Variants in CCDC178 observed in about 807,000 individuals in gnomAD.
CCDC178 encodes coiled-coil domain-containing protein 178.
CCDC178 carries 126 observed loss-of-function variants against 117.4 expected under a neutral mutation model. That is an observed-to-expected ratio of 1.07 (90% CI 0.93 to 1.24). The LOEUF is 1.24. Among genes scored for constraint, CCDC178 ranks in the 50% most tolerant of loss-of-function variants. The probability of loss-of-function intolerance (pLI) is 0.00; values close to 1 mark genes in which losing one functional copy is unlikely to be tolerated. For missense variants in CCDC178, 1,030 were observed against 986.9 expected, an observed-to-expected ratio of 1.04 and a Z score of -0.59; for synonymous variants, 283 against 313.4, an observed-to-expected ratio of 0.90 and a Z score of 1.02.
At chr18:32,959,270 A>G (rs945780075) in intron 22 of CCDC178, among the ~76,000 whole-genome samples, 1 of 152,150 alleles carries the variant, frequency 6.6e-6, no homozygotes, top group African/African-American at 2.4e-5. Context: ...TATTGATAAT[A>G]TGTGCAGTTT....
chr18:32,938,773 G>A (rs1053140414), intron 22 of CCDC178, among the ~76,000 whole-genome samples: 1 of 152,116 alleles, frequency 6.6e-6, no homozygotes, highest in Non-Finnish European at 1.5e-5. Context: ...CACATAAAAA[G>A]TTAGTTCTTG....
At chr18:32,979,990 C>A (rs1208377712) in intron 21 of CCDC178, among the ~76,000 whole-genome samples, 1 of 151,612 alleles carries the variant, frequency 6.6e-6, no homozygotes, top group Non-Finnish European at 1.5e-5. Context: ...TAGCTCCATG[C>A]AAAATAAAAT....
At chr18:33,219,765 G>C (rs1022604506) in intron 18 of CCDC178, among the ~76,000 whole-genome samples, 11 of 151,922 alleles carry the variant, frequency 7.2e-5, no homozygotes, top group Non-Finnish European at 1.6e-4. Context: ...TCACACACCG[G>C]AGCCTGTCAT....
chr18:33,439,289 G>A (rs1406263276), intron 2 of CCDC178, among the ~76,000 whole-genome samples: 2 of 152,224 alleles, frequency 1.3e-5, no homozygotes, highest in Non-Finnish European at 2.9e-5. Flanking sequence ...TTCTGAGGAT[G>A]TGGTAACAAA....
intron 12 of CCDC178, among the ~76,000 whole-genome samples, chr18:33,271,701 T>C (rs1375670249): frequency 1.3e-5 from 2 of 151,496 alleles, no homozygotes; most frequent in Non-Finnish European, 1.5e-5. Flanking sequence ...ACTGAAGTCA[T>C]GCAAAGTGCC....
intron 12 of CCDC178, among the ~76,000 whole-genome samples, chr18:33,275,367 TAGAA>T (rs1327430011): frequency 3.3e-5 from 5 of 151,908 alleles, no homozygotes; most frequent in African/African-American, 1.2e-4. Context: ...ATCTATCCCA[TAGAA>T]AGAACCAATT....
intron 9 of CCDC178, among the ~76,000 whole-genome samples, chr18:33,338,234 T>TA (rs1042416810): frequency 6.6e-6 from 1 of 151,914 alleles, no homozygotes; most frequent in Non-Finnish European, 1.5e-5. Flanking sequence ...ATGTCCATAA[T>TA]AAAAAAATGA....
At chr18:33,414,927 G>T (rs1033101475) in intron 2 of CCDC178, among the ~76,000 whole-genome samples, 116 of 152,170 alleles carry the variant, frequency 7.6e-4, no homozygotes, top group Non-Finnish European at 8.4e-4. Flanking sequence ...AGACATTTAT[G>T]CAGCCAACAG....
At chr18:33,410,500 G>T (rs1306179172) in intron 3 of CCDC178, among the ~76,000 whole-genome samples, 1 of 151,864 alleles carries the variant, frequency 6.6e-6, no homozygotes, top group Non-Finnish European at 1.5e-5. Context: ...ACAAACCAAG[G>T]TTTTTCAAAT....
At chr18:33,126,119 A>G (rs1216272045) in intron 20 of CCDC178, among the ~76,000 whole-genome samples, 1 of 152,114 alleles carries the variant, frequency 6.6e-6, no homozygotes, top group Non-Finnish European at 1.5e-5. Context: ...GAATGCAGTG[A>G]CCAATTAGGA....
intron 2 of CCDC178, among the ~76,000 whole-genome samples, chr18:33,439,266 A>G (rs1286148087): frequency 6.6e-6 from 1 of 152,204 alleles, no homozygotes; most frequent in Non-Finnish European, 1.5e-5. Flanking sequence ...GGAATATAGA[A>G]CAGGAAGAAA....
chr18:33,405,998 G>A (rs916358191), intron 3 of CCDC178, among the ~76,000 whole-genome samples: 2 of 151,954 alleles, frequency 1.3e-5, no homozygotes, highest in African/African-American at 2.4e-5. Flanking sequence ...ATAGGAAGAC[G>A]GAATGCAAAG....
chr18:33,321,875 A>G (rs1242702080), intron 11 of CCDC178, among the ~76,000 whole-genome samples: 1 of 151,930 alleles, frequency 6.6e-6, no homozygotes, highest in African/African-American at 2.4e-5. Context: ...CTGAAAAAAA[A>G]ATGTGTCTAC....
intron 22 of CCDC178, among the ~76,000 whole-genome samples, chr18:32,970,874 T>C (rs1211105130): frequency 6.6e-6 from 1 of 152,010 alleles, no homozygotes; most frequent in Non-Finnish European, 1.5e-5. Flanking sequence ...TTCGTGGGTA[T>C]ATACAGGGTA....
intron 21 of CCDC178, among the ~76,000 whole-genome samples, chr18:33,016,949 A>C (rs1227473025): frequency 6.6e-6 from 1 of 151,996 alleles, no homozygotes; most frequent in African/African-American, 2.4e-5. Flanking sequence ...ACAGGAATAG[A>C]AGGGAACTTC....
At chr18:33,223,562 A>G (rs888682851) in intron 17 of CCDC178, among the ~76,000 whole-genome samples, 1 of 152,130 alleles carries the variant, frequency 6.6e-6, no homozygotes, top group Non-Finnish European at 1.5e-5. Flanking sequence ...AAGTATGTAA[A>G]AACTTATTCT....
At chr18:32,938,824 TC>T (rs1342423955) in intron 22 of CCDC178, among the ~76,000 whole-genome samples, 1 of 152,180 alleles carries the variant, frequency 6.6e-6, no homozygotes, top group Non-Finnish European at 1.5e-5. Flanking sequence ...AAAGTATTTT[TC>T]TCAAACTATT....
At chr18:33,260,088 C>T (rs1397756794) in intron 14 of CCDC178, among the ~76,000 whole-genome samples, 1 of 151,932 alleles carries the variant, frequency 6.6e-6, no homozygotes, top group Non-Finnish European at 1.5e-5. Flanking sequence ...CCAGCAGAAT[C>T]CCAGGAGTGT....
In CCDC178 at chr18:33,322,034, T is replaced by C. The variant is rs1255885698; in HGVS notation, c.1022+1457A>G. The stretch of plus-strand genomic sequence containing the variant: ...TGTTCCAAGAGTCAAAAAAGGTCAA[T>C]TCCTAATGATAAGGAGGTTAATTGG... On this transcript the variant is annotated intron_variant, in intron 11 of 22. Coordinates refer to ENST00000383096, the MANE Select transcript of CCDC178 (RefSeq NM_001105528.4). 2.0e-5 allele frequency among the ~76,000 whole-genome samples: 3 copies of C among 151,962 alleles called. No individual in the cohort carries two copies. In the East Asian group the frequency reaches 5.8e-4, roughly 29 times the overall value.
Sources: allele counts gnomAD v4.1 joint callset (sites outside exome capture counted in the v4.1 genomes callset), GRCh38; gene constraint gnomAD v4.1.1; transcripts MANE v1.5; gene names NCBI Gene and HGNC (gene_info 2026-07-23, HGNC 2026-07-21).